DBF4: variants seen among roughly 807,000 people sequenced by gnomAD.
The protein encoded by DBF4 is DBF4-CDC7 kinase regulatory subunit.
Under a neutral mutation model 76.6 loss-of-function variants are expected in DBF4, and 25 were observed. The observed-to-expected ratio is 0.33, with a 90% CI of 0.24 to 0.46. The LOEUF is 0.46. Among genes scored for constraint, DBF4 ranks in the 20% least tolerant of loss-of-function variants. The pLI, the probability that DBF4 is intolerant of heterozygous loss-of-function variation, is 1.00. For missense variants in DBF4, 638 were observed against 760.8 expected, an observed-to-expected ratio of 0.84 and a Z score of 1.90; for synonymous variants, 213 against 258.0, an observed-to-expected ratio of 0.83 and a Z score of 1.67.
At position 87,904,299 on chromosome 7, in the gene DBF4, T is replaced by C. The variant is rs747392562; in HGVS notation, c.932T>C (p.Leu311Pro). 6.2e-7 allele frequency: 1 copy of C among 1,604,706 alleles called. No individual in the cohort carries two copies. The highest frequency in any genetic ancestry group is 1.8e-5 in the Admixed American group (1 of 56,924). Residue 311 changes from leucine to proline, a missense_variant, in exon 11 of 12, where the codon CTA becomes CCA. Transcript: ENST00000265728. ...TTTTTAATTTTGTTTTAGCACCTTC[T>C]AAGTGAGCAACACAGAAACTTTGCA... ...QKYEDLETHL[L>P]SEQHRNFAQS... is the part of the protein sequence containing the mutation.
chr7:87,878,222 A>AGG lies in DBF4; in HGVS notation c.219_219+1dup. 6.2e-7 allele frequency: 1 copy of AGG among 1,609,088 alleles called. No homozygotes were observed. The highest frequency in any genetic ancestry group is 8.5e-7 in the Non-Finnish European group (1 of 1,178,180). On this transcript the variant is annotated frameshift_variant, in exon 2 of 12. Coordinates refer to ENST00000265728, the MANE Select transcript of DBF4 (RefSeq NM_006716.4). LOFTEE classifies it high-confidence loss of function. ...TTCAAAAGGACATTAAGGATCTGGG[A>AGG]GGGGTAAGTGAAAACCGTACACTGG... is the stretch of plus-strand genomic sequence containing the variant.
intron 7 of DBF4, among the ~76,000 whole-genome samples, chr7:87,897,023 G>T (rs972625080): frequency 9.2e-5 from 14 of 152,192 alleles, no homozygotes; most frequent in Non-Finnish European, 1.8e-4. Context: ...GAAGACAATA[G>T]TGTAGTTTTT....
intron 11 of DBF4, among the ~76,000 whole-genome samples, chr7:87,906,094 G>T (rs1298651263): frequency 6.6e-6 from 1 of 151,810 alleles, no homozygotes; most frequent in Admixed American, 6.6e-5. Context: ...AGAAGCAGAG[G>T]TTGCAGTGAG....
Position 87,909,272 on chromosome 7 carries a change from C to CT in DBF4, c.*1112dup, listed in dbSNP as rs1839985312. ...GAATCTGTGGATATAAGGCATTTGC[C>CT]TTTGAGTATGTTCTTGTAGGAGTAA... On this transcript the variant is annotated 3_prime_UTR_variant, in exon 12 of 12. Transcript: ENST00000265728. The CT allele has an allele frequency of 6.6e-6, 1 of 152,094 alleles. No individual in the cohort carries two copies. Among genetic ancestry groups the CT allele is most frequent in the South Asian group, 2.1e-4 (1 of 4,824 alleles). The allele number at this position is 152,094 out of a possible 1,614,324, so 9.4% of individuals were successfully genotyped here.
chr7:87,882,353 A>G (rs1050275419), intron 2 of DBF4, among the ~76,000 whole-genome samples: 7 of 152,210 alleles, frequency 4.6e-5, no homozygotes, highest in African/African-American at 1.4e-4. Context: ...ATTTATTTGT[A>G]AGAACTGAAA....
chr7:87,907,344 C>G lies in DBF4; in HGVS notation c.1206C>G (p.Thr402=). The G allele has an allele frequency of 6.2e-7, 1 of 1,613,832 alleles. No individual in the cohort carries two copies. Among genetic ancestry groups the G allele is most frequent in the South Asian group, 1.1e-5 (1 of 91,046 alleles). Residue 402 remains threonine (T), a synonymous_variant, in exon 12 of 12, where the codon ACC becomes ACG. Transcript: ENST00000265728. ...AGCAGAATTTCCTGTATAAAGAGAC[C>G]CAGGAAACTGAAAAAAAGCTCCTGT... ...VKEQNFLYKE[T]QETEKKLLFI...
In DBF4 at chr7:87,886,261, G is replaced by A. The variant is rs537491875; in HGVS notation, c.400-583G>A. ...AAAAAGTGAAGTAACGGCTGGGTGC[G>A]GTGGCTCACGCCTGTAATCCCAGCA... is the stretch of plus-strand genomic sequence containing the variant. On this transcript the variant is annotated intron_variant, in intron 3 of 11. Coordinates refer to ENST00000265728, the MANE Select transcript of DBF4 (RefSeq NM_006716.4). Among the ~76,000 whole-genome samples, 24 of 152,098 alleles carry A rather than the reference G, an allele frequency of 1.6e-4. 1 individual carries two copies. In the South Asian group the frequency reaches 3.7e-3, roughly 24 times the overall value.
At chr7:87,904,156 G>A in intron 10 of DBF4, 136 bp from the exon 11 acceptor site, 3 of 819,280 alleles carry the variant, frequency 3.7e-6, no homozygotes, top group Non-Finnish European at 3.6e-6. Flanking sequence ...TTGAAGTCTA[G>A]TAAAGGGTAT....
In DBF4 at chr7:87,878,208, A is replaced by G. The variant is rs949411337; in HGVS notation, c.202A>G (p.Ile68Val). The G allele has an allele frequency of 1.2e-6, 2 of 1,611,038 alleles. No individual in the cohort carries two copies. The highest frequency in any genetic ancestry group is 2.7e-5 in the African/African-American group (2 of 74,780). The change falls in exon 2 of 12, where the codon ATT becomes GTT. Residue 68 changes from isoleucine (I) to valine (V), a missense_variant. Physicochemically the swap from Ile to Val is conservative, Grantham distance 29. Coordinates refer to ENST00000265728, the MANE Select transcript of DBF4 (RefSeq NM_006716.4). ...CATATCTGAAAAACTTCAAAAGGAC[A>G]TTAAGGATCTGGGAGGGGTAAGTGA... ...VTISEKLQKD[I>V]KDLGGRVEEF...
At chr7:87,893,747 T>A (rs1273799537) in intron 6 of DBF4, among the ~76,000 whole-genome samples, 3 of 152,234 alleles carry the variant, frequency 2.0e-5, no homozygotes, top group Admixed American at 6.5e-5. Context: ...GATATTGTCT[T>A]TTTCATCAAA....
At chr7:87,906,612 T>C (rs545445721) in intron 11 of DBF4, among the ~76,000 whole-genome samples, 5 of 152,222 alleles carry the variant, frequency 3.3e-5, no homozygotes, top group Admixed American at 2.0e-4. Flanking sequence ...TGTTTGAAGC[T>C]TAAAAGTTAC....
intron 9 of DBF4, 72 bp downstream of exon 9, chr7:87,900,421 A>G: frequency 1.4e-6 from 2 of 1,481,338 alleles, no homozygotes; most frequent in Non-Finnish European, 1.8e-6. Context: ...AAAGATTTGA[A>G]ATAGTTTCAT....
At chr7:87,906,315 TTAGAG>T (rs1206443144) in intron 11 of DBF4, among the ~76,000 whole-genome samples, 2 of 151,760 alleles carry the variant, frequency 1.3e-5, no homozygotes, top group Middle Eastern at 3.4e-3. Context: ...AAAAGCCATG[TTAGAG>T]TAGTTTTTTT....
In DBF4 at chr7:87,909,446, G is replaced by A. The variant is rs906985845; in HGVS notation, c.*1283G>A. 6.6e-6 allele frequency: 1 copy of A among 152,034 alleles called. No homozygotes were observed. The highest frequency in any genetic ancestry group is 2.4e-5 in the African/African-American group (1 of 41,388). The allele number at this position is 152,034 out of a possible 1,614,324, so 9.4% of individuals were successfully genotyped here. On this transcript the variant is annotated 3_prime_UTR_variant, in exon 12 of 12. Transcript: ENST00000265728. Reference sequence around the variant, plus strand: ...ATGCTTTTCCTGCATACATTATTTTGATCATTTGGATAACATCAATGAACA... The same window carrying A: ...ATGCTTTTCCTGCATACATTATTTTAATCATTTGGATAACATCAATGAACA...
intron 10 of DBF4, among the ~76,000 whole-genome samples, chr7:87,902,381 AAC>A (rs1839809283): frequency 1.3e-5 from 2 of 152,188 alleles, no homozygotes; most frequent in Admixed American, 1.3e-4. Flanking sequence ...GGGATTAATT[AAC>A]ACATATTTTT....
intron 2 of DBF4, chr7:87,878,513 C>T: frequency 4.1e-6 from 1 of 244,994 alleles, no homozygotes; most frequent in East Asian, 8.3e-5. Flanking sequence ...TTGGAATGTC[C>T]TCCAGATAAC....
intron 3 of DBF4, among the ~76,000 whole-genome samples, chr7:87,886,406 G>T (rs928220243): frequency 1.3e-5 from 2 of 151,662 alleles, no homozygotes; most frequent in African/African-American, 4.8e-5. Flanking sequence ...ATGATGGTGC[G>T]TGCCTGTAGT....
At chr7:87,887,177 A>G (rs1334274001) in intron 4 of DBF4, 152 bp from the exon 5 acceptor site, 2 of 687,940 alleles carry the variant, frequency 2.9e-6, no homozygotes, top group Non-Finnish European at 4.7e-6. Flanking sequence ...AATTCTATAG[A>G]AAATCTTGAT....
intron 9 of DBF4, 150 bp downstream of exon 9, chr7:87,900,499 T>C (rs1839750220): frequency 3.1e-6 from 3 of 979,030 alleles, no homozygotes; most frequent in Middle Eastern, 2.6e-4. Context: ...TGAATCTGTT[T>C]AGATGGAGGT....
Sources: allele counts gnomAD v4.1 joint callset (sites outside exome capture counted in the v4.1 genomes callset), GRCh38; gene constraint gnomAD v4.1.1; transcripts MANE v1.5; gene names NCBI Gene and HGNC (gene_info 2026-07-23, HGNC 2026-07-21).